Variants in SPINK8 observed in about 807,000 individuals in gnomAD.
SPINK8 encodes serine protease inhibitor Kazal-type 8.
SPINK8 carries 12 observed loss-of-function variants against 14.4 expected under a neutral mutation model. That is an observed-to-expected ratio of 0.83 (90% CI 0.53 to 1.35). SPINK8 has a LOEUF of 1.35. Among genes scored for constraint, SPINK8 ranks in the 40% most tolerant of loss-of-function variants. The probability of loss-of-function intolerance (pLI) is 0.00; values close to 1 mark genes in which losing one functional copy is unlikely to be tolerated. For synonymous variants in SPINK8, 32 were observed against 37.6 expected (o/e 0.85, Z 0.55); for missense variants, 103 against 117.0 (o/e 0.88, Z 0.55).
Position 48,332,454 on chromosome 3 carries a change from A to G in SPINK8, c.-224T>C, listed in dbSNP as rs893293472. Among the ~76,000 whole-genome samples, 1 of 152,212 alleles carries G rather than the reference A, an allele frequency of 6.6e-6. No homozygotes were observed. Among genetic ancestry groups the G allele is most frequent in the African/African-American group, 2.4e-5 (1 of 41,460 alleles). On this transcript the variant is annotated 5_prime_UTR_variant, in exon 2 of 8. Coordinates refer to ENST00000434006, the MANE Select transcript of SPINK8 (RefSeq NM_001080525.3). ...CCCTTAGTCTCTCCAGAAAGGCAGT[A>G]GGATTTTCTTCCTTTCCCTGTGTTA...
intron 6 of SPINK8, 66 bp downstream of exon 6, chr3:48,319,431 T>A (rs2036038493): frequency 6.3e-7 from 1 of 1,588,878 alleles, no homozygotes; most frequent in Non-Finnish European, 8.6e-7. Context: ...GCTGAGGTCA[T>A]CACCCTCTTT....
intron 2 of SPINK8, among the ~76,000 whole-genome samples, chr3:48,332,113 G>A (rs530581305): frequency 7.9e-5 from 12 of 152,268 alleles, no homozygotes; most frequent in Middle Eastern, 3.4e-3. Context: ...CTTGTAGACC[G>A]CACTGGAATC....
At chr3:48,307,546 C>G (rs972444561) in intron 7 of SPINK8, among the ~76,000 whole-genome samples, 9 of 148,148 alleles carry the variant, frequency 6.1e-5, no homozygotes, top group East Asian at 5.9e-4. Flanking sequence ...CCCCCACCCC[C>G]CCACCTCTTC....
rs1299136604 is a variant in SPINK8 at position 48,332,423 on chromosome 3, A to G, written c.-193T>C. ...GATGACAGAGAGGTATGCTTCCTCAATGCCTCCCTTAGTCTCTCCAGAAAG... is the reference window on the plus strand; with the variant it reads ...GATGACAGAGAGGTATGCTTCCTCAGTGCCTCCCTTAGTCTCTCCAGAAAG... On this transcript the variant is annotated 5_prime_UTR_variant, in exon 2 of 8. Coordinates refer to ENST00000434006, the MANE Select transcript of SPINK8 (RefSeq NM_001080525.3). 6.6e-6 allele frequency among the ~76,000 whole-genome samples: 1 copy of G among 152,182 alleles called. No homozygotes were observed. The highest frequency in any genetic ancestry group is 1.5e-5 in the Non-Finnish European group (1 of 68,022).
intron 6 of SPINK8, among the ~76,000 whole-genome samples, chr3:48,312,996 C>CAGAAAAAAAA (rs2035942435): frequency 8.2e-6 from 1 of 122,018 alleles, no homozygotes; most frequent in South Asian, 2.7e-4. Context: ...GACTCTGTCT[C>CAGAAAAAAAA]AAAAAAAAAA....
In SPINK8 at chr3:48,320,894, G is replaced by A; in HGVS notation, c.117+131C>T. 4.8e-6 allele frequency: 4 copies of A among 829,816 alleles called. No individual in the cohort carries two copies. The South Asian group carries it at 7.3e-5, about 15-fold the overall frequency. The allele number at this position is 829,816 out of a possible 1,614,324, so 51.4% of individuals were successfully genotyped here. ...TGTGCTACACATACTTGGTGACTCA[G>A]CTTTTATTGTTCTGTTATTCCCATG... is the stretch of plus-strand genomic sequence containing the variant. On this transcript the variant is annotated intron_variant, in intron 5 of 7. Coordinates refer to ENST00000434006, the MANE Select transcript of SPINK8 (RefSeq NM_001080525.3).
At chr3:48,318,393 G>A (rs2036023175) in intron 6 of SPINK8, among the ~76,000 whole-genome samples, 1 of 151,802 alleles carries the variant, frequency 6.6e-6, no homozygotes, top group Non-Finnish European at 1.5e-5. Context: ...CGCCCACCTC[G>A]GCCTCCCAAA....
chr3:48,309,921 G>A lies in SPINK8; in HGVS notation c.265C>T (p.Leu89=), dbSNP rs534054055. The change falls in exon 7 of 8, where the codon CTG becomes TTG. Residue 89 remains leucine, a synonymous_variant. Coordinates refer to ENST00000434006, the MANE Select transcript of SPINK8 (RefSeq NM_001080525.3). ...TTACTTACACATTGTCCATCATACAGTTTAGTTATGTTAAGCCCTTCAAAT... is the reference window on the plus strand; with the variant it reads ...TTACTTACACATTGTCCATCATACAATTTAGTTATGTTAAGCCCTTCAAAT... ...ILFEGLNITK[L]YDGQCENS The A allele has an allele frequency of 3.7e-5, 53 of 1,445,144 alleles. No homozygotes were observed. Among genetic ancestry groups the A allele is most frequent in the Non-Finnish European group, 4.8e-5 (53 of 1,100,624 alleles). The allele number at this position is 1,445,144 out of a possible 1,614,324, so 89.5% of individuals were successfully genotyped here.
In SPINK8 at chr3:48,328,332, T is replaced by A. The variant is rs753601802; in HGVS notation, c.10A>T (p.Ile4Phe). 62 of 1,611,060 alleles carry A rather than the reference T, an allele frequency of 3.8e-5. 2 individuals carry two copies. Among genetic ancestry groups the A allele is most frequent in the Non-Finnish European group, 5.1e-5 (60 of 1,178,724 alleles). ...AGAACAAGGATGGCGTCTGAGCAGATCCCCTTCATGGTGACAGAAGAACTG... is the reference window on the plus strand; with the variant it reads ...AGAACAAGGATGGCGTCTGAGCAGAACCCCTTCATGGTGACAGAAGAACTG... MKG[I>F]CSDAILVLAT... The change falls in exon 4 of 8, where the codon ATC becomes TTC. Residue 4 changes from isoleucine to phenylalanine, a missense_variant. Physicochemically the swap from Ile to Phe is conservative, Grantham distance 21 (BLOSUM62 0). Transcript: ENST00000434006.
chr3:48,329,752 G>A (rs2036221562), intron 2 of SPINK8, among the ~76,000 whole-genome samples: 1 of 152,098 alleles, frequency 6.6e-6, no homozygotes. Context: ...AGCCTTGAAC[G>A]CCTAGCCTCA....
chr3:48,319,559 T>C lies in SPINK8; in HGVS notation c.177A>G (p.Glu59=), dbSNP rs768417023. ...CWFLSYIKPS[E]PICGSDQVTY... Reference sequence around the variant, plus strand: ...TAACCTGGTCACTGCCACAAATAGGTTCACTGGGCTTGATGTAGGATAAAA... The same window carrying C: ...TAACCTGGTCACTGCCACAAATAGGCTCACTGGGCTTGATGTAGGATAAAA... Residue 59 remains glutamate (E), a synonymous_variant, in exon 6 of 8, where the codon GAA becomes GAG. Transcript: ENST00000434006. 3.7e-6 allele frequency: 6 copies of C among 1,613,920 alleles called. No homozygotes were observed. In the South Asian group the frequency reaches 5.5e-5, roughly 15 times the overall value.
intron 6 of SPINK8, among the ~76,000 whole-genome samples, chr3:48,317,361 G>A (rs983080007): frequency 1.2e-4 from 18 of 152,148 alleles, no homozygotes; most frequent in Middle Eastern, 3.4e-3. Flanking sequence ...GTTGGTGTGC[G>A]CCTGTAATCC....
At chr3:48,319,110 T>C (rs560772873) in intron 6 of SPINK8, among the ~76,000 whole-genome samples, 1 of 152,360 alleles carries the variant, frequency 6.6e-6, no homozygotes, top group South Asian at 2.1e-4. Flanking sequence ...GCTGGGAAGA[T>C]TCTTCACCCA....
At chr3:48,311,053 T>C (rs1332762961) in intron 6 of SPINK8, among the ~76,000 whole-genome samples, 1 of 151,124 alleles carries the variant, frequency 6.6e-6, no homozygotes, top group Non-Finnish European at 1.5e-5. Context: ...CAAAATGGCC[T>C]TTATCCCAAG....
chr3:48,306,859 T>C lies in SPINK8; in HGVS notation c.*133A>G. 1.2e-6 allele frequency: 1 copy of C among 850,860 alleles called. No homozygotes were observed. The highest frequency in any genetic ancestry group is 2.7e-5 in the East Asian group (1 of 37,152). 52.7% of individuals were successfully genotyped at this position (850,860 alleles called of 1,614,324 possible). ...CAGCCAGGTTTTCTGCTAAGAATCATTTATTGAAGACATAAATCAACGAGT... is the reference window on the plus strand; with the variant it reads ...CAGCCAGGTTTTCTGCTAAGAATCACTTATTGAAGACATAAATCAACGAGT... On this transcript the variant is annotated 3_prime_UTR_variant, in exon 8 of 8. Transcript: ENST00000434006.
intron 2 of SPINK8, among the ~76,000 whole-genome samples, chr3:48,330,165 C>G (rs2036231566): frequency 1.3e-5 from 2 of 152,074 alleles, no homozygotes; most frequent in Non-Finnish European, 2.9e-5. Context: ...TGCTTTTAAT[C>G]CCTCTAAATT....
At chr3:48,333,057 C>T (rs1337702731) in intron 1 of SPINK8, among the ~76,000 whole-genome samples, 1 of 151,794 alleles carries the variant, frequency 6.6e-6, no homozygotes, top group Non-Finnish European at 1.5e-5. Context: ...CGGGGGAACG[C>T]CGGGGCAGGG....
chr3:48,320,678 G>A (rs1234592077), intron 5 of SPINK8, among the ~76,000 whole-genome samples: 1 of 152,182 alleles, frequency 6.6e-6, no homozygotes, highest in Non-Finnish European at 1.5e-5. Context: ...GCCTTGGTGT[G>A]AGGGAGGCAG....
intron 4 of SPINK8, among the ~76,000 whole-genome samples, chr3:48,327,573 G>A (rs1032952786): frequency 6.6e-6 from 1 of 152,162 alleles, no homozygotes; most frequent in Non-Finnish European, 1.5e-5. Flanking sequence ...AGTAGCAGTG[G>A]GGGTGAGGAT....
Sources: allele counts gnomAD v4.1 joint callset (sites outside exome capture counted in the v4.1 genomes callset), GRCh38; gene constraint gnomAD v4.1.1; transcripts MANE v1.5; gene names NCBI Gene and HGNC (gene_info 2026-07-23, HGNC 2026-07-21).